Variants in MSRA observed in about 807,000 individuals in gnomAD.
MSRA encodes the protein mitochondrial peptide methionine sulfoxide reductase.
Under a neutral mutation model 31.3 loss-of-function variants are expected in MSRA, and 54 were observed. That is an observed-to-expected ratio of 1.73 (90% CI 1.39 to 2.17). The LOEUF is 2.17. MSRA is among the 30% of genes most tolerant of loss of function. The probability of loss-of-function intolerance (pLI) is 0.00; values close to 1 mark genes in which losing one functional copy is unlikely to be tolerated. For missense variants in MSRA, 507 were observed against 300.9 expected (o/e 1.69, Z -5.07); for synonymous variants, 169 against 116.5 (o/e 1.45, Z -2.90).
At chr8:10,303,016 C>A (rs1004526876) in intron 4 of MSRA, among the ~76,000 whole-genome samples, 2 of 152,198 alleles carry the variant, frequency 1.3e-5, no homozygotes, top group African/African-American at 4.8e-5. Context: ...GTGGTGACAG[C>A]CAGTCGCTCC....
chr8:10,245,294 G>A (rs934482960), intron 3 of MSRA, 71 bp downstream of exon 3: 4 of 1,375,722 alleles, frequency 2.9e-6, no homozygotes, highest in Middle Eastern at 1.8e-4. Context: ...TTGGGTGACA[G>A]GCTCTTTAAA....
chr8:10,199,626 C>T (rs1808326368), intron 1 of MSRA, among the ~76,000 whole-genome samples: 1 of 152,154 alleles, frequency 6.6e-6, no homozygotes, highest in African/African-American at 2.4e-5. Flanking sequence ...TCAGCTTTGC[C>T]ATCCTAGGCT....
At chr8:10,358,565 CTTTTTTTTTTTTTTTTTTTT>C (rs59106668) in intron 5 of MSRA, among the ~76,000 whole-genome samples, 64 of 63,992 alleles carry the variant, frequency 1.0e-3, no homozygotes, top group African/African-American at 3.0e-3. Flanking sequence ...GCATTAGATT[CTTTTTTTTTTTTTTTTTTTT>C]TTTTTTTTTT....
intron 2 of MSRA, among the ~76,000 whole-genome samples, chr8:10,222,789 C>G (rs556120903): frequency 6.6e-6 from 1 of 152,184 alleles, no homozygotes; most frequent in East Asian, 1.9e-4. Context: ...TTAGAAAAGT[C>G]GAACTCATCA....
At chr8:10,192,036 G>T (rs1310255162) in intron 1 of MSRA, among the ~76,000 whole-genome samples, 1 of 152,126 alleles carries the variant, frequency 6.6e-6, no homozygotes, top group Non-Finnish European at 1.5e-5. Context: ...AGGGCTGTTG[G>T]CAAGCCTCCG....
chr8:10,296,472 A>C (rs910890793), intron 3 of MSRA, among the ~76,000 whole-genome samples: 1 of 152,220 alleles, frequency 6.6e-6, no homozygotes, highest in Non-Finnish European at 1.5e-5. Context: ...CCATCTAAAA[A>C]AGTAGGACAC....
chr8:10,080,278 C>A (rs534303378), intron 1 of MSRA, among the ~76,000 whole-genome samples: 36 of 151,872 alleles, frequency 2.4e-4, no homozygotes, highest in African/African-American at 8.2e-4. Context: ...ATTAGTATTT[C>A]ATTTCTATGG....
intron 5 of MSRA, among the ~76,000 whole-genome samples, chr8:10,366,199 G>A (rs1037209494): frequency 5.9e-5 from 9 of 152,328 alleles, no homozygotes; most frequent in African/African-American, 1.9e-4. Context: ...AAAGAGAAGA[G>A]GCTTCATGTT....
chr8:10,259,257 T>C (rs543858070), intron 3 of MSRA, among the ~76,000 whole-genome samples: 1 of 152,320 alleles, frequency 6.6e-6, no homozygotes, highest in South Asian at 2.1e-4. Flanking sequence ...CTAGCATCTT[T>C]TGGGCTGTAG....
chr8:10,406,368 A>G (rs114283059), intron 5 of MSRA, among the ~76,000 whole-genome samples: 94 of 152,360 alleles, frequency 6.2e-4, no homozygotes, highest in African/African-American at 1.9e-3. Flanking sequence ...AGCTACTTCT[A>G]CAAGATGATA....
intron 3 of MSRA, among the ~76,000 whole-genome samples, chr8:10,294,485 G>A (rs1800420177): frequency 1.3e-5 from 2 of 152,120 alleles, no homozygotes; most frequent in Non-Finnish European, 1.5e-5. Flanking sequence ...AGCCCATAGA[G>A]GAAGAAGCTT....
chr8:10,277,713 C>T (rs1216052072), intron 3 of MSRA, among the ~76,000 whole-genome samples: 1 of 152,102 alleles, frequency 6.6e-6, no homozygotes, highest in Non-Finnish European at 1.5e-5. Context: ...AAATAAATGG[C>T]TATCTAATTT....
chr8:10,301,651 G>C lies in MSRA; in HGVS notation c.436+13G>C, dbSNP rs1011131893. The C allele has an allele frequency of 2.5e-6, 4 of 1,592,760 alleles. No individual in the cohort carries two copies. Among genetic ancestry groups the C allele is most frequent in the Non-Finnish European group, 3.4e-6 (4 of 1,162,660 alleles). On this transcript the variant is annotated intron_variant, in intron 4 of 5. Coordinates refer to ENST00000317173, the MANE Select transcript of MSRA (RefSeq NM_012331.5). The stretch of plus-strand genomic sequence containing the variant: ...GACCCGACCCAAGGTAGAGTGATGA[G>C]TGAGCCAGTATTTAATTATCTTACT...
chr8:10,295,092 G>A (rs1563320212), intron 3 of MSRA, among the ~76,000 whole-genome samples: 1 of 152,162 alleles, frequency 6.6e-6, no homozygotes, highest in African/African-American at 2.4e-5. Flanking sequence ...AGAGATCTCT[G>A]CTGCTCCCGT....
At chr8:10,241,552 C>A (rs1356903966) in intron 2 of MSRA, among the ~76,000 whole-genome samples, 1 of 152,070 alleles carries the variant, frequency 6.6e-6, no homozygotes, top group Non-Finnish European at 1.5e-5. Context: ...GTGAATTGTA[C>A]CACTGAGTAA....
chr8:10,426,392 A>G (rs768621627), intron 5 of MSRA, among the ~76,000 whole-genome samples: 1 of 152,226 alleles, frequency 6.6e-6, no homozygotes, highest in Non-Finnish European at 1.5e-5. Flanking sequence ...CAGGATACCA[A>G]GAAGTTACTG....
At chr8:10,080,190 C>T (rs1382823057) in intron 1 of MSRA, among the ~76,000 whole-genome samples, 1 of 152,190 alleles carries the variant, frequency 6.6e-6, no homozygotes, top group Non-Finnish European at 1.5e-5. Context: ...TTACGACATT[C>T]TCTTTCTCAG....
At chr8:10,186,326 G>T (rs757998181) in intron 1 of MSRA, among the ~76,000 whole-genome samples, 4 of 152,160 alleles carry the variant, frequency 2.6e-5, no homozygotes, top group Non-Finnish European at 4.4e-5. Flanking sequence ...CTGTCACGAT[G>T]ACTGCACTCT....
intron 1 of MSRA, among the ~76,000 whole-genome samples, chr8:10,102,921 T>G (rs1266342479): frequency 6.6e-6 from 1 of 152,166 alleles, no homozygotes; most frequent in African/African-American, 2.4e-5. Flanking sequence ...AGCTCTGTAT[T>G]CCTTAAATTT....
Sources: allele counts gnomAD v4.1 joint callset (sites outside exome capture counted in the v4.1 genomes callset), GRCh38; gene constraint gnomAD v4.1.1; transcripts MANE v1.5; gene names NCBI Gene and HGNC (gene_info 2026-07-23, HGNC 2026-07-21).